BBOF1: variants seen among roughly 807,000 people sequenced by gnomAD.
BBOF1 encodes basal body orientation factor 1.
A neutral mutation model predicts 68.0 loss-of-function variants in BBOF1; 62 were observed. The ratio of observed to expected loss-of-function variants is 0.91; its 90% CI spans 0.74 to 1.13. The LOEUF (loss-of-function observed/expected upper bound fraction) is 1.13. BBOF1 is among the 50% of genes most tolerant of loss of function. The probability of loss-of-function intolerance (pLI) is 0.00; values close to 1 mark genes in which losing one functional copy is unlikely to be tolerated. For synonymous variants in BBOF1, 208 were observed against 198.8 expected (o/e 1.05, Z -0.39); for missense variants, 534 against 600.1 (o/e 0.89, Z 1.15).
chr14:74,069,230 A>G (rs2060516170), downstream of BBOF1: 1 of 391,786 alleles, frequency 2.6e-6, no homozygotes. Context: ...CAGCCTCCCA[A>G]GCAGCTGGGA....
In BBOF1 at chr14:74,050,022, G is replaced by A. The variant is rs780109449; in HGVS notation, c.1113G>A (p.Lys371=). ...RFFLDALHQV[K]QQILISRKHY... ...TTTTAGATGCTCTGCACCAAGTGAA[G>A]CAACAGATCCTAATTAGCAGGAAGC... Residue 371 remains lysine, a synonymous_variant, in exon 8 of 12, where the codon AAG becomes AAA. Coordinates refer to ENST00000394009, the MANE Select transcript of BBOF1 (RefSeq NM_025057.3). 1.2e-6 allele frequency: 2 copies of A among 1,614,142 alleles called. No individual in the cohort carries two copies. Among genetic ancestry groups the A allele is most frequent in the South Asian group, 1.1e-5 (1 of 91,080 alleles).
intron 4 of BBOF1, among the ~76,000 whole-genome samples, chr14:74,036,898 C>T (rs1175213924): frequency 6.6e-6 from 1 of 151,694 alleles, no homozygotes; most frequent in Non-Finnish European, 1.5e-5. Flanking sequence ...TCATTGTTCA[C>T]ACTGTCTTTT....
At chr14:74,076,239 C>T (rs1417136159) in intron 9 of BBOF1, among the ~76,000 whole-genome samples, 2 of 152,044 alleles carry the variant, frequency 1.3e-5, no homozygotes, top group Non-Finnish European at 2.9e-5. Flanking sequence ...GCCATAGGTA[C>T]ATTAAAGGAA....
chr14:74,070,384 T>A (rs1395118321), downstream of BBOF1, among the ~76,000 whole-genome samples: 1 of 151,944 alleles, frequency 6.6e-6, no homozygotes, highest in Admixed American at 6.6e-5. Flanking sequence ...TGGGGCACGG[T>A]GGCGCATGCC....
intron 2 of BBOF1, among the ~76,000 whole-genome samples, chr14:74,025,683 G>T (rs563653905): frequency 2.0e-5 from 3 of 152,178 alleles, no homozygotes; most frequent in South Asian, 2.1e-4. Context: ...TTTTTCCTAA[G>T]GTGGTCTAAA....
intron 2 of BBOF1, among the ~76,000 whole-genome samples, chr14:74,026,444 CAAAAAAAA>C (rs1166375665): frequency 6.0e-5 from 2 of 33,084 alleles, no homozygotes; most frequent in African/African-American, 1.1e-4. Flanking sequence ...AACTCCATCT[CAAAAAAAA>C]AAAAAAAAAA....
chr14:74,076,750 A>T (rs920244443), intron 9 of BBOF1, among the ~76,000 whole-genome samples: 1 of 151,998 alleles, frequency 6.6e-6, no homozygotes. Context: ...GGGTTTCACC[A>T]TGTTGGCCTG....
chr14:74,034,211 T>A, intron 4 of BBOF1, 40 bp downstream of exon 4: 1 of 1,397,694 alleles, frequency 7.2e-7, no homozygotes, highest in South Asian at 1.5e-5. Flanking sequence ...AAATTAGAAT[T>A]AACTATTTAA....
intron 6 of BBOF1, 85 bp downstream of exon 6, chr14:74,046,215 C>A: frequency 8.0e-7 from 1 of 1,254,484 alleles, no homozygotes; most frequent in Non-Finnish European, 1.1e-6. Flanking sequence ...TCTTGTCTTC[C>A]CCCTTCTGTT....
intron 5 of BBOF1, 98 bp from the exon 6 acceptor site, chr14:74,045,962 A>T (rs2059938889): frequency 1.9e-6 from 2 of 1,044,524 alleles, no homozygotes; most frequent in African/African-American, 3.2e-5. Context: ...TCATGGGGAC[A>T]GGAGTTTTTT....
chr14:74,042,883 C>CACACAG (rs1555373101), intron 5 of BBOF1, among the ~76,000 whole-genome samples: 1 of 110,546 alleles, frequency 9.0e-6, no homozygotes, highest in Non-Finnish European at 1.7e-5. Flanking sequence ...CACACAGACA[C>CACACAG]ACACACACAC....
At chr14:74,039,060 T>C (rs2059774591) in intron 4 of BBOF1, among the ~76,000 whole-genome samples, 1 of 152,200 alleles carries the variant, frequency 6.6e-6, no homozygotes, top group Non-Finnish European at 1.5e-5. Context: ...CAAATTTAGC[T>C]TGGCTGATAA....
intron 12 of BBOF1, among the ~76,000 whole-genome samples, chr14:74,081,897 G>A (rs531742119): frequency 6.6e-6 from 1 of 152,200 alleles, no homozygotes; most frequent in East Asian, 1.9e-4. Flanking sequence ...AGTGCAAGTC[G>A]CTACATCTCT....
chr14:74,033,827 T>C (rs62005085), intron 3 of BBOF1, among the ~76,000 whole-genome samples: 28,226 of 150,982 alleles, frequency 0.19, 2,837 homozygotes, highest in South Asian at 0.44. Flanking sequence ...GATCGCGCCA[T>C]CGCACTCCAG....
intron 9 of BBOF1, among the ~76,000 whole-genome samples, chr14:74,073,840 C>T (rs1205400456): frequency 5.3e-5 from 8 of 150,716 alleles, no homozygotes; most frequent in African/African-American, 2.0e-4. Context: ...ATCACTTGAA[C>T]CTGGGAGGTG....
chr14:74,078,399 G>A (rs1197023772), intron 10 of BBOF1: 1 of 359,446 alleles, frequency 2.8e-6, no homozygotes, highest in African/African-American at 2.1e-5. Flanking sequence ...TGTCTCCTAG[G>A]CTGGAATGCA....
rs886050731 is a variant in BBOF1, at chr14:74,072,362, G to A, written n.1380-5834G>A. 1.2e-6 allele frequency: 2 copies of A among 1,614,140 alleles called. No individual in the cohort carries two copies. Among genetic ancestry groups the A allele is most frequent in the Non-Finnish European group, 1.7e-6 (2 of 1,180,020 alleles). On this transcript the variant is annotated intron_variant and non_coding_transcript_variant, in intron 9 of 12. Transcript: ENST00000492026. The stretch of plus-strand genomic sequence containing the variant: ...GGACCCGACCAATGACCTCATTGGT[G>A]GCCTGATGAGAAAAATAAGCACATG...
intron 11 of BBOF1, among the ~76,000 whole-genome samples, chr14:74,063,807 A>C (rs1175007710): frequency 6.7e-6 from 1 of 150,340 alleles, no homozygotes; most frequent in African/African-American, 2.4e-5. Flanking sequence ...CGGAGGTTGC[A>C]GTGAGCCAAG....
chr14:74,024,800 G>T (rs183835420), intron 2 of BBOF1, among the ~76,000 whole-genome samples: 2 of 152,110 alleles, frequency 1.3e-5, no homozygotes, highest in Non-Finnish European at 2.9e-5. Flanking sequence ...ATGGGATTTC[G>T]CCATGTCGCC....
Sources: allele counts gnomAD v4.1 joint callset (sites outside exome capture counted in the v4.1 genomes callset), GRCh38; gene constraint gnomAD v4.1.1; transcripts MANE v1.5; gene names NCBI Gene and HGNC (gene_info 2026-07-23, HGNC 2026-07-21).